The following PCNT variants were observed in gnomAD, a reference collection of about 807,000 sequenced individuals.
PCNT encodes the protein kendrin.
PCNT carries 319 observed loss-of-function variants against 380.4 expected under a neutral mutation model. That is an observed-to-expected ratio of 0.84 (90% CI 0.77 to 0.92). The LOEUF is 0.92. PCNT is among the 40% of genes least tolerant of loss of function. The pLI is 0.00. For missense variants in PCNT, 4,400 were observed against 4,255.3 expected, an observed-to-expected ratio of 1.03 and a Z score of -0.95; for synonymous variants, 1,845 against 1,735.2, an observed-to-expected ratio of 1.06 and a Z score of -1.57.
chr21:46,416,905 C>T, intron 30 of PCNT, 66 bp downstream of exon 30: 1 of 1,512,608 alleles, frequency 6.6e-7, no homozygotes, highest in South Asian at 1.2e-5. Flanking sequence ...GGCGCCACGG[C>T]AGCTGCCATT....
chr21:46,421,604 GT>G (rs2087253199), intron 31 of PCNT, among the ~76,000 whole-genome samples: 1 of 152,244 alleles, frequency 6.6e-6, no homozygotes. Context: ...GGCGTGGAGG[GT>G]GCAGGCCCCG....
intron 17 of PCNT, 48 bp downstream of exon 17, chr21:46,386,031 G>T: frequency 7.5e-6 from 12 of 1,609,482 alleles, no homozygotes; most frequent in Non-Finnish European, 1.0e-5. Context: ...GCCAGCACCC[G>T]CTGGGTCATG....
chr21:46,330,056 A>G (rs1274371420), intron 2 of PCNT, among the ~76,000 whole-genome samples: 1 of 152,220 alleles, frequency 6.6e-6, no homozygotes, highest in African/African-American at 2.4e-5. Context: ...AATTCCTGAC[A>G]TTTTAATAAG....
intron 27 of PCNT, among the ~76,000 whole-genome samples, chr21:46,406,730 C>G (rs1268873276): frequency 6.6e-6 from 1 of 152,184 alleles, no homozygotes; most frequent in East Asian, 1.9e-4. Context: ...TTAGGTTTTT[C>G]ACAGGTGCCT....
chr21:46,380,178 T>TTTTTG (rs2085477266), intron 15 of PCNT, among the ~76,000 whole-genome samples: 1 of 70,228 alleles, frequency 1.4e-5, no homozygotes, highest in Non-Finnish European at 2.8e-5. Context: ...TTTTTTTTTT[T>TTTTTG]TTTTTGAGAC....
At position 46,325,056 on chromosome 21, in the gene PCNT, C is replaced by G. The variant is rs562175574; in HGVS notation, c.54+774C>G. The G allele has an allele frequency of 9.1e-6, 9 of 985,516 alleles. 1 individual carries two copies. The South Asian group carries it at 2.8e-4, about 31-fold the overall frequency. The allele number at this position is 985,516 out of a possible 1,614,324, so 61.0% of individuals were successfully genotyped here. The stretch of plus-strand genomic sequence containing the variant: ...AAGGGACGCGCTCCCGTCTTTCTCC[C>G]GCCCCGGGTTTCTCCGTGAAAAAGC... On this transcript the variant is annotated intron_variant, in intron 1 of 46. Coordinates refer to ENST00000359568, the MANE Select transcript of PCNT (RefSeq NM_006031.6).
intron 9 of PCNT, 59 bp from the exon 10 acceptor site, chr21:46,353,045 G>T (rs564447253): frequency 6.4e-6 from 9 of 1,416,708 alleles, no homozygotes; most frequent in Non-Finnish European, 8.0e-6. Flanking sequence ...CTTGCCTCTC[G>T]CCTGGCTTGT....
At chr21:46,432,565 GTATT>G (rs2087813757) in intron 38 of PCNT, among the ~76,000 whole-genome samples, 1 of 152,224 alleles carries the variant, frequency 6.6e-6, no homozygotes, top group Non-Finnish European at 1.5e-5. Context: ...GCTCTGGGTA[GTATT>G]GACATCTGGA....
chr21:46,406,088 T>TTTTA (rs772226119), intron 27 of PCNT, among the ~76,000 whole-genome samples: 1 of 152,242 alleles, frequency 6.6e-6, no homozygotes, highest in Non-Finnish European at 1.5e-5. Context: ...TTCTACCCTA[T>TTTTA]TTTATGTCAG....
Position 46,420,206 on chromosome 21 carries a change from G to A in PCNT, c.7025-1764G>A, listed in dbSNP as rs1024213880. Among the ~76,000 whole-genome samples the A allele has an allele frequency of 9.2e-5, 14 of 152,266 alleles. No homozygotes were observed. The South Asian group carries it at 1.2e-3, about 14-fold the overall frequency. ...GGTCGGGGTGGAGGATTTCCTCCTC[G>A]TTCGTCCTTCCTCCATTCACGTATC... On this transcript the variant is annotated intron_variant, in intron 31 of 46. Transcript: ENST00000359568.
chr21:46,426,006 G>A, intron 33 of PCNT, 35 bp downstream of exon 33: 1 of 1,598,802 alleles, frequency 6.3e-7, no homozygotes, highest in African/African-American at 1.3e-5. Flanking sequence ...CTTTTCCAAA[G>A]GATTTAAGGA....
rs1336763825 is a variant in PCNT, at chr21:46,330,441, G to A, written c.267+3852G>A. Among the ~76,000 whole-genome samples, 3 of 152,126 alleles carry A rather than the reference G, an allele frequency of 2.0e-5. 1 individual carries two copies. The highest frequency in any genetic ancestry group is 4.1e-4 in the South Asian group (2 of 4,834). On this transcript the variant is annotated intron_variant, in intron 2 of 46. Coordinates refer to ENST00000359568, the MANE Select transcript of PCNT (RefSeq NM_006031.6). Reference sequence around the variant, plus strand: ...GCTAAAATTTATTTTCTTTATACATGTATAGGTAAACTAAGTAGTATGTGT... The same window carrying A: ...GCTAAAATTTATTTTCTTTATACATATATAGGTAAACTAAGTAGTATGTGT...
chr21:46,420,234 A>G (rs920294642), intron 31 of PCNT, among the ~76,000 whole-genome samples: 6 of 152,088 alleles, frequency 3.9e-5, no homozygotes, highest in African/African-American at 1.2e-4. Context: ...CACGTATCCT[A>G]TGATTTTCTC....
chr21:46,444,051 C>A, intron 45 of PCNT, 103 bp downstream of exon 45: 1 of 1,227,776 alleles, frequency 8.1e-7, no homozygotes, highest in Non-Finnish European at 1.1e-6. Context: ...TGGCCCAGCC[C>A]AGGGCAAGGC....
intron 1 of PCNT, among the ~76,000 whole-genome samples, chr21:46,326,121 C>T (rs1305569734): frequency 6.6e-6 from 1 of 152,162 alleles, no homozygotes; most frequent in East Asian, 1.9e-4. Context: ...CTGCCAAGGG[C>T]TAGGAAAGCT....
chr21:46,435,987 C>T lies in PCNT; in HGVS notation c.8835C>T (p.Asp2945=), dbSNP rs146875945. 94 of 1,614,154 alleles carry T rather than the reference C, an allele frequency of 5.8e-5. 1 individual carries two copies. The African/African-American group carries it at 8.4e-4, about 14-fold the overall frequency. ...CAGTGAGAGACCTGGAGTCGAAGGA[C>T]GAGGTGCCTGGCAGCCGCCTCCACC... ...QQTVRDLESK[D]EVPGSRLHLG... Residue 2945 remains aspartate (D), a synonymous_variant, in exon 39 of 47, where the codon GAC becomes GAT. Coordinates refer to ENST00000359568, the MANE Select transcript of PCNT (RefSeq NM_006031.6).
intron 16 of PCNT, among the ~76,000 whole-genome samples, chr21:46,384,228 G>A (rs1356788698): frequency 1.3e-4 from 13 of 101,430 alleles, no homozygotes; most frequent in East Asian, 3.5e-4. Context: ...ACGGTGTTGT[G>A]CGTTCAGTGG....
intron 15 of PCNT, among the ~76,000 whole-genome samples, chr21:46,370,631 G>T (rs2085088684): frequency 6.6e-6 from 1 of 152,154 alleles, no homozygotes; most frequent in Non-Finnish European, 1.5e-5. Context: ...CACGGGCTGG[G>T]CTTGGGGCTC....
intron 21 of PCNT, among the ~76,000 whole-genome samples, chr21:46,395,237 G>A (rs1350074485): frequency 6.6e-6 from 1 of 152,194 alleles, no homozygotes; most frequent in Non-Finnish European, 1.5e-5. Flanking sequence ...ATGATTTTTT[G>A]GAAGCTGGTG....
Sources: gnomAD v4.1 joint callset for allele counts (sites outside exome capture counted in the v4.1 genomes callset) on GRCh38, gnomAD v4.1.1 for gene constraint, MANE v1.5 for transcripts, NCBI Gene and HGNC (gene_info 2026-07-23, HGNC 2026-07-21) for gene names.